Variants in ROBO2 observed in about 807,000 individuals in gnomAD.
The protein encoded by ROBO2 is roundabout homolog 2.
Under a neutral mutation model 160.8 loss-of-function variants are expected in ROBO2, and 53 were observed. The ratio of observed to expected loss-of-function variants is 0.33; its 90% CI spans 0.26 to 0.41. The LOEUF (loss-of-function observed/expected upper bound fraction) is 0.41, where lower values mean the gene tolerates loss of function less well. ROBO2 is among the 10% of genes least tolerant of loss of function. ROBO2 has a pLI of 1.00. For missense variants in ROBO2, 1,577 were observed against 1,722.4 expected (o/e 0.92, Z 1.49); for synonymous variants, 664 against 611.7 (o/e 1.09, Z -1.26).
At chr3:76,879,215 G>T (rs892722854) in intron 2 of ROBO2, among the ~76,000 whole-genome samples, 1 of 152,078 alleles carries the variant, frequency 6.6e-6, no homozygotes, top group Non-Finnish European at 1.5e-5. Flanking sequence ...AAGGAAATGT[G>T]AAGGGGAGAA....
chr3:77,355,161 A>G (rs2068913355), intron 2 of ROBO2, among the ~76,000 whole-genome samples: 2 of 152,120 alleles, frequency 1.3e-5, no homozygotes, highest in Non-Finnish European at 2.9e-5. Flanking sequence ...TACCTTTATG[A>G]TCAACCCTTC....
chr3:76,337,351 C>T (rs112460337), intron 2 of ROBO2, among the ~76,000 whole-genome samples: 9,119 of 152,180 alleles, frequency 0.06, 775 homozygotes, highest in African/African-American at 0.19. Context: ...TTATCTTTAA[C>T]TCAATTGTTA....
intron 2 of ROBO2, among the ~76,000 whole-genome samples, chr3:76,409,820 C>A (rs2075396017): frequency 1.3e-5 from 2 of 152,050 alleles, no homozygotes; most frequent in African/African-American, 4.8e-5. Context: ...TAAGAATATG[C>A]CTTAAATAAG....
intron 2 of ROBO2, among the ~76,000 whole-genome samples, chr3:76,422,604 T>C (rs892098884): frequency 2.0e-5 from 3 of 152,202 alleles, no homozygotes; most frequent in African/African-American, 7.2e-5. Context: ...AAAGAGTTGT[T>C]TCGTCTAACT....
At chr3:76,064,491 T>C (rs1056671861) in intron 2 of ROBO2, among the ~76,000 whole-genome samples, 3 of 152,150 alleles carry the variant, frequency 2.0e-5, no homozygotes, top group African/African-American at 7.2e-5. Flanking sequence ...TAGAGAATTA[T>C]GGTTTGGTCC....
exon 20 of ROBO2, chr3:77,602,260 T>G: frequency 1.2e-6 from 2 of 1,614,198 alleles, no homozygotes; most frequent in Non-Finnish European, 1.7e-6. Context: ...AACGATGCTC[T>G]CAGATGGAGC....
At chr3:76,903,291 C>A (rs1030034445) in intron 2 of ROBO2, among the ~76,000 whole-genome samples, 1 of 152,040 alleles carries the variant, frequency 6.6e-6, no homozygotes, top group Non-Finnish European at 1.5e-5. Context: ...ATTGGTTTGA[C>A]AAAATTATTA....
chr3:76,799,195 C>T (rs954204687), intron 2 of ROBO2, among the ~76,000 whole-genome samples: 9 of 151,156 alleles, frequency 6.0e-5, no homozygotes, highest in African/African-American at 1.9e-4. Context: ...GCCTGGGCGA[C>T]AGAGTGAGAC....
At chr3:76,000,602 C>A (rs2065858253) in intron 2 of ROBO2, among the ~76,000 whole-genome samples, 1 of 151,476 alleles carries the variant, frequency 6.6e-6, no homozygotes, top group African/African-American at 2.4e-5. Context: ...CATTCTCCTG[C>A]CTCAGCCTCC....
At chr3:76,870,764 T>C (rs2071950921) in intron 2 of ROBO2, among the ~76,000 whole-genome samples, 1 of 151,918 alleles carries the variant, frequency 6.6e-6, no homozygotes, top group South Asian at 2.1e-4. Context: ...TCTTTTTTGG[T>C]GAAGTGGTAA....
At chr3:77,005,110 T>C (rs933749611) in intron 2 of ROBO2, among the ~76,000 whole-genome samples, 6 of 152,152 alleles carry the variant, frequency 3.9e-5, no homozygotes, top group Non-Finnish European at 7.3e-5. Flanking sequence ...GGCTTTTCCC[T>C]TTACCTACGC....
intron 2 of ROBO2, among the ~76,000 whole-genome samples, chr3:76,062,640 T>G (rs1322234474): frequency 6.6e-6 from 1 of 152,172 alleles, no homozygotes; most frequent in East Asian, 1.9e-4. Context: ...GGTTTGTGCT[T>G]TCATCTCAGA....
At chr3:76,421,163 A>G (rs1420713169) in intron 2 of ROBO2, among the ~76,000 whole-genome samples, 1 of 151,664 alleles carries the variant, frequency 6.6e-6, no homozygotes, top group Non-Finnish European at 1.5e-5. Context: ...TCAAACATCT[A>G]TTTTAGCTCT....
chr3:77,534,200 C>A (rs2091941670), intron 6 of ROBO2, among the ~76,000 whole-genome samples: 1 of 151,940 alleles, frequency 6.6e-6, no homozygotes. Flanking sequence ...TTATTCATTT[C>A]TTTTGTTGTA....
chr3:77,503,110 G>T (rs2087861500), intron 5 of ROBO2, among the ~76,000 whole-genome samples: 1 of 151,762 alleles, frequency 6.6e-6, no homozygotes, highest in East Asian at 1.9e-4. Context: ...ATTCTTGAGG[G>T]GATGGATAGA....
chr3:76,426,270 A>T (rs535451345), intron 2 of ROBO2, among the ~76,000 whole-genome samples: 1 of 152,286 alleles, frequency 6.6e-6, no homozygotes, highest in African/African-American at 2.4e-5. Context: ...AGCACCTCTA[A>T]ATTACCCTCT....
At chr3:77,485,774 A>AT (rs1167754561) in intron 4 of ROBO2, among the ~76,000 whole-genome samples, 2 of 151,640 alleles carry the variant, frequency 1.3e-5, no homozygotes, top group African/African-American at 2.4e-5. Flanking sequence ...ATTTTGTTTT[A>AT]TTTTTTTACC....
chr3:77,482,358 C>T (rs138953221), intron 4 of ROBO2, among the ~76,000 whole-genome samples: 56 of 152,204 alleles, frequency 3.7e-4, no homozygotes, highest in African/African-American at 1.0e-3. Flanking sequence ...GCTTGGGAGA[C>T]GCCATCCCAA....
intron 2 of ROBO2, among the ~76,000 whole-genome samples, chr3:76,820,024 C>T (rs982017313): frequency 2.6e-5 from 4 of 152,070 alleles, no homozygotes; most frequent in East Asian, 1.9e-4. Context: ...ACAAAATGCT[C>T]CACCAGGTAA....
Sources: gnomAD v4.1 joint callset for allele counts (sites outside exome capture counted in the v4.1 genomes callset) on GRCh38, gnomAD v4.1.1 for gene constraint, MANE v1.5 for transcripts, NCBI Gene and HGNC (gene_info 2026-07-23, HGNC 2026-07-21) for gene names.